CDH19: variants seen among roughly 807,000 people sequenced by gnomAD.
The protein encoded by CDH19 is cadherin 19, also known as cadherin-19.
Under a neutral mutation model 64.2 loss-of-function variants are expected in CDH19, and 67 were observed. The ratio of observed to expected loss-of-function variants is 1.04; its 90% confidence interval spans 0.86 to 1.28. The LOEUF is 1.28. Among genes scored for constraint, CDH19 ranks in the 50% most tolerant of loss-of-function variants. The pLI, the probability that CDH19 is intolerant of heterozygous loss-of-function variation, is 0.00. For synonymous variants in CDH19, 346 were observed against 319.3 expected, an observed-to-expected ratio of 1.08 and a Z score of -0.89; for missense variants, 1,030 against 929.0, an observed-to-expected ratio of 1.11 and a Z score of -1.41.
intron 9 of CDH19, among the ~76,000 whole-genome samples, chr18:66,523,930 G>GT (rs1249996800): frequency 6.6e-6 from 1 of 151,884 alleles, no homozygotes; most frequent in Non-Finnish European, 1.5e-5. Context: ...GTTGGGGGGC[G>GT]TAATTCCTGT....
intron 5 of CDH19, among the ~76,000 whole-genome samples, chr18:66,548,650 C>T (rs7229848): frequency 0.63 from 95,156 of 151,960 alleles, 30,901 homozygotes; most frequent in African/African-American, 0.79. Flanking sequence ...CTGCATTCCA[C>T]TTAGGTTATT....
intron 5 of CDH19, among the ~76,000 whole-genome samples, chr18:66,547,391 T>C (rs569408479): frequency 6.6e-5 from 10 of 152,152 alleles, no homozygotes; most frequent in South Asian, 2.1e-4. Context: ...TCCAAGAATA[T>C]TGAAAGCCAG....
intron 1 of CDH19, among the ~76,000 whole-genome samples, chr18:66,591,207 T>C (rs942312102): frequency 5.3e-5 from 8 of 151,932 alleles, no homozygotes; most frequent in Admixed American, 2.0e-4. Context: ...AAACTGTAGT[T>C]AGAATATATC....
intron 1 of CDH19, among the ~76,000 whole-genome samples, chr18:66,586,544 A>G (rs1988583118): frequency 6.6e-6 from 1 of 151,872 alleles, no homozygotes; most frequent in Non-Finnish European, 1.5e-5. Context: ...TCTTTATAAA[A>G]AGGAAAAAAA....
At chr18:66,588,292 C>T (rs1988635860) in intron 1 of CDH19, among the ~76,000 whole-genome samples, 1 of 152,066 alleles carries the variant, frequency 6.6e-6, no homozygotes, top group Non-Finnish European at 1.5e-5. Context: ...AGGCTCCTGT[C>T]ACCCATGGCC....
At chr18:66,509,382 C>T (rs9962822) in intron 10 of CDH19, 136 bp from the exon 11 acceptor site, 172,648 of 655,084 alleles carry the variant, frequency 0.26, 26,561 homozygotes, top group African/African-American at 0.54. Flanking sequence ...AAATTTCTGA[C>T]GAGAAGACAA....
At chr18:66,545,337 T>TA (rs771339138) in intron 5 of CDH19, among the ~76,000 whole-genome samples, 1 of 152,026 alleles carries the variant, frequency 6.6e-6, no homozygotes, top group Non-Finnish European at 1.5e-5. Flanking sequence ...CTTTCCCAGT[T>TA]ACTTGTTCTT....
intron 9 of CDH19, among the ~76,000 whole-genome samples, chr18:66,516,941 G>T (rs1335184805): frequency 6.6e-6 from 1 of 152,008 alleles, no homozygotes; most frequent in African/African-American, 2.4e-5. Flanking sequence ...ATAAAGACTA[G>T]AATTAATTAA....
At chr18:66,573,686 G>A (rs1404143965) in intron 1 of CDH19, among the ~76,000 whole-genome samples, 2 of 151,412 alleles carry the variant, frequency 1.3e-5, no homozygotes, top group Non-Finnish European at 3.0e-5. Context: ...TTAGCTGGCT[G>A]TGTTTCAGTG....
Position 66,502,418 on chromosome 18 carries a change from A to G in CDH19, c.*2394T>C, listed in dbSNP as rs1984984962. 1 of 151,978 alleles carries G rather than the reference A, an allele frequency of 6.6e-6. No homozygotes were observed. Among genetic ancestry groups the G allele is most frequent in the Non-Finnish European group, 1.5e-5 (1 of 67,934 alleles). 9.4% of individuals were successfully genotyped at this position (151,978 alleles called of 1,614,324 possible). On this transcript the variant is annotated 3_prime_UTR_variant, in exon 12 of 12. Transcript: ENST00000262150. ...AGGTATTCCATTAATGTGCATTTTA[A>G]TGAGTTGTTTATCCAAATGTATTCA...
intron 7 of CDH19, among the ~76,000 whole-genome samples, chr18:66,539,841 T>C (rs1432522990): frequency 6.6e-6 from 1 of 152,082 alleles, no homozygotes; most frequent in Non-Finnish European, 1.5e-5. Context: ...TGTGTATGCA[T>C]GTGTATGTAT....
intron 1 of CDH19, among the ~76,000 whole-genome samples, chr18:66,593,827 T>C (rs1418082199): frequency 6.6e-6 from 1 of 152,050 alleles, no homozygotes; most frequent in Non-Finnish European, 1.5e-5. Flanking sequence ...GAAGGGTAAC[T>C]GGAGGTTAAG....
chr18:66,569,703 C>G (rs1359677364), intron 2 of CDH19, among the ~76,000 whole-genome samples: 1 of 151,594 alleles, frequency 6.6e-6, no homozygotes, highest in Non-Finnish European at 1.5e-5. Context: ...CTTTTCATAT[C>G]AGAATTATTT....
At chr18:66,594,401 T>G (rs1988825731) in intron 1 of CDH19, among the ~76,000 whole-genome samples, 1 of 151,962 alleles carries the variant, frequency 6.6e-6, no homozygotes, top group East Asian at 1.9e-4. Context: ...AACTTGACAC[T>G]TTACCAAATG....
At chr18:66,603,899 A>G (rs1358863026) in intron 1 of CDH19, 55 bp downstream of exon 1, 2 of 152,096 alleles carry the variant, frequency 1.3e-5, no homozygotes, top group African/African-American at 4.8e-5. Flanking sequence ...TGACCTATTG[A>G]CTCATTAAAG....
In CDH19 at chr18:66,554,420, C is replaced by A. The variant is rs1319037279; in HGVS notation, c.595G>T (p.Val199Phe). ...TCACAAATACCTGTTGTTGGTTCAA[C>A]AGAAAAATATGGCTGGCCTTGAAGT... The part of the protein sequence containing the change: ...SLLQGQPYFS[V>F]EPTTGVIRIS... The change falls in exon 4 of 12, where the codon GTT becomes TTT. Residue 199 changes from valine to phenylalanine, a missense_variant. Physicochemically the swap from Val to Phe is conservative, Grantham distance 50. Transcript: ENST00000262150. 1 of 1,611,404 alleles carries A rather than the reference C, an allele frequency of 6.2e-7. No individual in the cohort carries two copies. The highest frequency in any genetic ancestry group is 8.5e-7 in the Non-Finnish European group (1 of 1,178,392).
rs762652041 is a variant in CDH19, at chr18:66,505,109, T to C, written c.2022A>G (p.Thr674=). Residue 674 remains threonine (T), a synonymous_variant, in exon 12 of 12, where the codon ACA becomes ACG. Coordinates refer to ENST00000262150, the MANE Select transcript of CDH19 (RefSeq NM_021153.4). ...IMRERKTRKT[T]SAEIRSLYRQ... is the part of the protein sequence containing the mutation. ...TGTATAGGCTCCTGATCTCAGCGCT[T>C]GTGGTTTTCCGAGTCTTGCGTTCCC... is the stretch of plus-strand genomic sequence containing the variant. The C allele has an allele frequency of 2.5e-6, 4 of 1,613,534 alleles. No individual in the cohort carries two copies. Among genetic ancestry groups the C allele is most frequent in the Non-Finnish European group, 3.4e-6 (4 of 1,179,686 alleles).
At chr18:66,553,685 CTA>C (rs200945107) in intron 4 of CDH19, among the ~76,000 whole-genome samples, 1,621 of 132,372 alleles carry the variant, frequency 0.012, 486 homozygotes, top group African/African-American at 0.053. Flanking sequence ...TCAGTGGAGA[CTA>C]TAATCTTCTA....
intron 11 of CDH19, among the ~76,000 whole-genome samples, chr18:66,507,358 CAT>C (rs1202117046): frequency 6.6e-6 from 1 of 151,888 alleles, no homozygotes; most frequent in East Asian, 1.9e-4. Context: ...GGTCCTGAAA[CAT>C]ATCTCATGCC....
Sources: gnomAD v4.1 joint callset for allele counts (sites outside exome capture counted in the v4.1 genomes callset) on GRCh38, gnomAD v4.1.1 for gene constraint, MANE v1.5 for transcripts, NCBI Gene and HGNC (gene_info 2026-07-23, HGNC 2026-07-21) for gene names.